PROCR: variants seen among roughly 807,000 people sequenced by gnomAD.
PROCR encodes endothelial protein C receptor.
In PROCR, 22 loss-of-function variants were observed where a neutral mutation model predicts 24.2. The ratio of observed to expected loss-of-function variants is 0.91; its 90% CI spans 0.65 to 1.30. The LOEUF (loss-of-function observed/expected upper bound fraction) is 1.30, where lower values mean the gene tolerates loss of function less well. Among genes scored for constraint, PROCR ranks in the 50% most tolerant of loss-of-function variants. PROCR has a pLI of 0.00. For synonymous variants in PROCR, 137 were observed against 139.2 expected (o/e 0.98, Z 0.11); for missense variants, 288 against 307.7 (o/e 0.94, Z 0.48).
At chr20:35,211,429 A>G (rs1416645424) in intron 1 of PROCR, among the ~76,000 whole-genome samples, 1 of 152,216 alleles carries the variant, frequency 6.6e-6, no homozygotes, top group Non-Finnish European at 1.5e-5. Flanking sequence ...ATACTATTCT[A>G]TGGCTCCTGG....
chr20:35,174,481 G>T, intron 1 of PROCR: 1 of 613,616 alleles, frequency 1.6e-6, no homozygotes, highest in Non-Finnish European at 2.9e-6. Context: ...TCCACTGCAG[G>T]CCTCAGTTTC....
At chr20:35,200,661 C>A (rs1378997916) in intron 1 of PROCR, among the ~76,000 whole-genome samples, 2 of 151,892 alleles carry the variant, frequency 1.3e-5, no homozygotes, top group African/African-American at 4.8e-5. Context: ...TATTGTTTTT[C>A]TTTTTAGACG....
intron 1 of PROCR, among the ~76,000 whole-genome samples, chr20:35,205,752 AAT>A (rs200029202): frequency 0.07 from 7,088 of 101,918 alleles, 302 homozygotes; most frequent in South Asian, 0.16. Flanking sequence ...ACTCTGTCTA[AAT>A]ATATATATAT....
chr20:35,176,521 T>G, intron 3 of PROCR, 75 bp downstream of exon 3: 1 of 1,602,486 alleles, frequency 6.2e-7, no homozygotes, highest in Non-Finnish European at 8.5e-7. Context: ...ACCTGAAGGA[T>G]GGATGCCTAG....
At chr20:35,203,441 T>C (rs1365878799) in intron 1 of PROCR, among the ~76,000 whole-genome samples, 13 of 152,046 alleles carry the variant, frequency 8.6e-5, no homozygotes, top group Non-Finnish European at 1.8e-4. Flanking sequence ...ATAACTTTTA[T>C]TTATTATTGT....
chr20:35,179,882 A>G (rs1463528457), downstream of PROCR, among the ~76,000 whole-genome samples: 2 of 152,212 alleles, frequency 1.3e-5, no homozygotes, highest in East Asian at 3.8e-4. Flanking sequence ...CTTTTGTTCA[A>G]GATATCATAA....
chr20:35,200,139 T>A (rs2060313442), intron 1 of PROCR, among the ~76,000 whole-genome samples: 1 of 152,238 alleles, frequency 6.6e-6, no homozygotes, highest in Non-Finnish European at 1.5e-5. Flanking sequence ...AGATAGAATC[T>A]ACTCCTGTTG....
intron 1 of PROCR, among the ~76,000 whole-genome samples, chr20:35,189,756 A>T (rs1209893853): frequency 6.6e-6 from 1 of 152,206 alleles, no homozygotes; most frequent in African/African-American, 2.4e-5. Context: ...ACTTAGGGAA[A>T]ATAGAAAAGA....
At position 35,174,881 on chromosome 20, in the gene PROCR, A is replaced by C; in HGVS notation, c.250A>C (p.Ser84Arg). ...QEPESWARTQ[S>R]GLQSYLLQFH... Reference sequence around the variant, plus strand: ...GCCCGAGAGCTGGGCGCGCACGCAGAGTGGCCTGCAGTCCTACCTGCTCCA... The same window carrying C: ...GCCCGAGAGCTGGGCGCGCACGCAGCGTGGCCTGCAGTCCTACCTGCTCCA... The change falls in exon 2 of 4, where the codon AGT becomes CGT. Residue 84 changes from serine to arginine, a missense_variant. Coordinates refer to ENST00000216968, the MANE Select transcript of PROCR (RefSeq NM_006404.5). 2 of 1,609,710 alleles carry C rather than the reference A, an allele frequency of 1.2e-6. No individual in the cohort carries two copies. Among genetic ancestry groups the C allele is most frequent in the Non-Finnish European group, 1.7e-6 (2 of 1,177,876 alleles).
chr20:35,205,915 C>T (rs879654752), intron 1 of PROCR, among the ~76,000 whole-genome samples: 4 of 148,678 alleles, frequency 2.7e-5, no homozygotes, highest in Non-Finnish European at 4.5e-5. Context: ...GATCCCCCCC[C>T]CAACCTCGGC....
At chr20:35,185,367 C>T (rs2086115696) in intron 1 of PROCR, among the ~76,000 whole-genome samples, 1 of 152,164 alleles carries the variant, frequency 6.6e-6, no homozygotes, top group African/African-American at 2.4e-5. Context: ...CCATTTGATC[C>T]AGCAATCCCA....
In PROCR at chr20:35,210,344, G is replaced by C. The variant is rs142815804; in HGVS notation, c.95-5549G>C. 4.9e-4 allele frequency among the ~76,000 whole-genome samples: 74 copies of C among 152,116 alleles called. 4 individuals are homozygous for C. The East Asian group carries it at 0.014, about 30-fold the overall frequency. ...AGAACTGTTTGAGCTTAGGAATTGA[G>C]GACCAGCCTGGGCAATATAGTATGA... On this transcript the variant is annotated intron_variant, in intron 1 of 1. Coordinates refer to the PROCR transcript ENST00000634509.
At chr20:35,212,173 A>G (rs1449134118) in intron 1 of PROCR, among the ~76,000 whole-genome samples, 2 of 152,216 alleles carry the variant, frequency 1.3e-5, no homozygotes, top group African/African-American at 4.8e-5. Context: ...AGGAGGTCAC[A>G]TTAGAGTTAT....
chr20:35,215,497 CT>C (rs80325545), intron 1 of PROCR, among the ~76,000 whole-genome samples: 7,811 of 143,106 alleles, frequency 0.055, 577 homozygotes, highest in African/African-American at 0.17. Flanking sequence ...CAAGTCTTAT[CT>C]TTTTTTTTTT....
intron 1 of PROCR, among the ~76,000 whole-genome samples, chr20:35,173,337 C>A (rs571909334): frequency 3.3e-5 from 5 of 151,576 alleles, no homozygotes; most frequent in Admixed American, 2.0e-4. Context: ...AACAGACACA[C>A]TGTGTCTCGT....
chr20:35,177,069 T>C lies in PROCR; in HGVS notation c.*256T>C. 1.6e-6 allele frequency: 2 copies of C among 1,275,808 alleles called. No individual in the cohort carries two copies. Among genetic ancestry groups the C allele is most frequent in the East Asian group, 4.1e-5 (1 of 24,564 alleles). 79.0% of individuals were successfully genotyped at this position (1,275,808 alleles called of 1,614,324 possible). ...TTAGTCTGATAAGTGAATGTTTATC[T>C]ATCTTTGTGGAAAACAGATAATGGA... is the stretch of plus-strand genomic sequence containing the variant. On this transcript the variant is annotated 3_prime_UTR_variant, in exon 4 of 4. Coordinates refer to ENST00000216968, the MANE Select transcript of PROCR (RefSeq NM_006404.5).
chr20:35,209,130 G>A (rs999306332), intron 1 of PROCR, among the ~76,000 whole-genome samples: 2 of 152,154 alleles, frequency 1.3e-5, no homozygotes, highest in Non-Finnish European at 2.9e-5. Context: ...TGAAGTACAA[G>A]GTGCTATATG....
chr20:35,207,133 A>ATTC (rs2060345517), intron 1 of PROCR, among the ~76,000 whole-genome samples: 1 of 152,216 alleles, frequency 6.6e-6, no homozygotes, highest in African/African-American at 2.4e-5. Flanking sequence ...ACAGTCTGGA[A>ATTC]AAGAAAAAAC....
chr20:35,198,129 A>G (rs1174154930), intron 1 of PROCR, among the ~76,000 whole-genome samples: 1 of 151,864 alleles, frequency 6.6e-6, no homozygotes, highest in Non-Finnish European at 1.5e-5. Context: ...CTAAAAAAAA[A>G]AAAATACAAA....
Sources: allele counts gnomAD v4.1 joint callset (sites outside exome capture counted in the v4.1 genomes callset), GRCh38; gene constraint gnomAD v4.1.1; transcripts MANE v1.5; gene names NCBI Gene and HGNC (gene_info 2026-07-23, HGNC 2026-07-21).